Variants in RBFOX1 observed in about 807,000 individuals in gnomAD.
The protein encoded by RBFOX1 is RNA binding fox-1 homolog 1.
A neutral mutation model predicts 57.7 loss-of-function variants in RBFOX1; 8 were observed. That is an observed-to-expected ratio of 0.14 (90% CI 0.08 to 0.25). The LOEUF (loss-of-function observed/expected upper bound fraction) is 0.25. Ranked by LOEUF, RBFOX1 falls within the 10% of genes least tolerant of loss-of-function variation. The probability of loss-of-function intolerance (pLI) is 1.00; values close to 1 mark genes in which losing one functional copy is unlikely to be tolerated. For missense variants in RBFOX1, 611 were observed against 548.5 expected, an observed-to-expected ratio of 1.11 and a Z score of -1.14; for synonymous variants, 326 against 222.4, an observed-to-expected ratio of 1.47 and a Z score of -4.15.
chr16:5,712,695 C>T (rs577587675), intron 3 of RBFOX1, among the ~76,000 whole-genome samples: 8 of 152,164 alleles, frequency 5.3e-5, no homozygotes, highest in Non-Finnish European at 1.2e-4. Context: ...TAGCAGAGTC[C>T]AGATTTTAAC....
intron 4 of RBFOX1, among the ~76,000 whole-genome samples, chr16:7,407,842 C>T (rs2098372900): frequency 6.6e-6 from 1 of 151,998 alleles, no homozygotes; most frequent in Non-Finnish European, 1.5e-5. Flanking sequence ...AAACTATGGC[C>T]CTGGGACCTA....
intron 4 of RBFOX1, among the ~76,000 whole-genome samples, chr16:7,183,881 T>G (rs984960756): frequency 6.6e-6 from 1 of 152,178 alleles, no homozygotes; most frequent in Non-Finnish European, 1.5e-5. Context: ...GAACCACCAT[T>G]CTAATTGAGG....
At chr16:6,885,980 C>T (rs2063926542) in intron 3 of RBFOX1, among the ~76,000 whole-genome samples, 1 of 151,988 alleles carries the variant, frequency 6.6e-6, no homozygotes, top group Non-Finnish European at 1.5e-5. Flanking sequence ...TCACAAACCA[C>T]ATGGACTTGA....
chr16:6,351,433 G>A (rs1858323674), intron 2 of RBFOX1, among the ~76,000 whole-genome samples: 1 of 145,172 alleles, frequency 6.9e-6, no homozygotes, highest in African/African-American at 2.6e-5. Context: ...GAGTGCAGTG[G>A]CATGATGTCG....
intron 2 of RBFOX1, among the ~76,000 whole-genome samples, chr16:6,478,415 ATATATATATATATATTTTTTTTT>A (rs2095312598): frequency 9.0e-5 from 2 of 22,208 alleles, no homozygotes; most frequent in African/African-American, 5.0e-4. Flanking sequence ...ATATATATAT[ATATATATATATATATTTTTTTTT>A]TTTTTTTTTG....
intron 1 of RBFOX1, among the ~76,000 whole-genome samples, chr16:5,291,763 C>G (rs1470218786): frequency 6.6e-6 from 1 of 152,042 alleles, no homozygotes; most frequent in Non-Finnish European, 1.5e-5. Context: ...ATGGTGGTGT[C>G]AGGAGAGTGG....
At chr16:6,168,458 G>C (rs927594007) in intron 1 of RBFOX1, among the ~76,000 whole-genome samples, 3 of 152,272 alleles carry the variant, frequency 2.0e-5, no homozygotes, top group South Asian at 2.1e-4. Flanking sequence ...GTTATATGCA[G>C]ACTTCTGAAC....
intron 4 of RBFOX1, among the ~76,000 whole-genome samples, chr16:7,415,556 T>C (rs1293027738): frequency 6.6e-6 from 1 of 152,196 alleles, no homozygotes; most frequent in East Asian, 1.9e-4. Flanking sequence ...CTGTCCACTT[T>C]TCTGGCTTTG....
intron 1 of RBFOX1, among the ~76,000 whole-genome samples, chr16:5,404,937 C>A (rs1252919033): frequency 6.6e-6 from 1 of 152,202 alleles, no homozygotes; most frequent in East Asian, 1.9e-4. Context: ...GTCTGAGGAA[C>A]TTTTGGAGTC....
intron 4 of RBFOX1, among the ~76,000 whole-genome samples, chr16:7,369,556 A>G (rs1014060945): frequency 2.6e-5 from 4 of 152,336 alleles, no homozygotes; most frequent in Middle Eastern, 3.4e-3. Flanking sequence ...TGAATCATTT[A>G]CATAATTAAC....
chr16:6,174,925 C>T (rs996858389), intron 1 of RBFOX1, among the ~76,000 whole-genome samples: 4 of 152,166 alleles, frequency 2.6e-5, no homozygotes, highest in African/African-American at 9.6e-5. Flanking sequence ...GCTCTGGTGG[C>T]AGATGGCCAG....
intron 2 of RBFOX1, among the ~76,000 whole-genome samples, chr16:6,423,251 C>T (rs1030358712): frequency 7.9e-5 from 12 of 152,194 alleles, no homozygotes; most frequent in East Asian, 1.9e-4. Context: ...CCGCAAGCTG[C>T]AGAGAAACTT....
At chr16:6,891,409 G>A (rs963149974) in intron 3 of RBFOX1, among the ~76,000 whole-genome samples, 77 of 152,110 alleles carry the variant, frequency 5.1e-4, no homozygotes, top group African/African-American at 1.7e-3. Flanking sequence ...CCAGAAACCC[G>A]TTTGCCTTTT....
At chr16:7,214,333 C>T (rs2091663976) in intron 4 of RBFOX1, among the ~76,000 whole-genome samples, 1 of 152,082 alleles carries the variant, frequency 6.6e-6, no homozygotes, top group South Asian at 2.1e-4. Flanking sequence ...AATATATTTC[C>T]CTGTAGATCC....
At chr16:6,125,932 G>C (rs565492289) in intron 1 of RBFOX1, among the ~76,000 whole-genome samples, 43 of 152,224 alleles carry the variant, frequency 2.8e-4, no homozygotes, top group Non-Finnish European at 5.4e-4. Context: ...ATACCTTTCA[G>C]TATTAAAATG....
intron 2 of RBFOX1, among the ~76,000 whole-genome samples, chr16:5,598,270 G>T (rs115042839): frequency 4.8e-4 from 73 of 152,088 alleles, no homozygotes; most frequent in African/African-American, 1.6e-3. Flanking sequence ...CATTGCAGAT[G>T]CTCCCTAGAT....
intron 1 of RBFOX1, among the ~76,000 whole-genome samples, chr16:5,318,824 G>C (rs1037529814): frequency 1.3e-5 from 2 of 152,152 alleles, no homozygotes; most frequent in Non-Finnish European, 2.9e-5. Flanking sequence ...ACCTAATTGC[G>C]TGAGCCCTTT....
At chr16:7,114,664 T>G (rs2065495813) in intron 4 of RBFOX1, among the ~76,000 whole-genome samples, 2 of 152,220 alleles carry the variant, frequency 1.3e-5, no homozygotes, top group South Asian at 4.1e-4. Flanking sequence ...GCCTCATGCC[T>G]TCTTCCCCTG....
intron 3 of RBFOX1, among the ~76,000 whole-genome samples, chr16:6,966,939 T>C (rs535601882): frequency 1.4e-5 from 2 of 146,300 alleles, no homozygotes; most frequent in Non-Finnish European, 3.0e-5. Flanking sequence ...ATCCATCCAT[T>C]GGCCTACCTA....
Sources: gnomAD v4.1 joint callset for allele counts (sites outside exome capture counted in the v4.1 genomes callset) on GRCh38, gnomAD v4.1.1 for gene constraint, MANE v1.5 for transcripts, NCBI Gene and HGNC (gene_info 2026-07-23, HGNC 2026-07-21) for gene names.